The following GNAZ variants were observed in gnomAD, a reference collection of about 807,000 sequenced individuals.
GNAZ encodes G protein subunit alpha z.
In GNAZ, 3 loss-of-function variants were observed where a neutral mutation model predicts 25.4. The ratio of observed to expected loss-of-function variants is 0.12; its 90% CI spans 0.05 to 0.30. GNAZ has a LOEUF of 0.30. Ranked by LOEUF, GNAZ falls within the 10% of genes least tolerant of loss-of-function variation. The pLI is 1.00. For synonymous variants in GNAZ, 211 were observed against 205.7 expected (o/e 1.03, Z -0.22); for missense variants, 241 against 501.8 (o/e 0.48, Z 4.97).
intron 2 of GNAZ, among the ~76,000 whole-genome samples, chr22:23,119,192 C>T (rs1162779533): frequency 1.3e-5 from 2 of 152,238 alleles, no homozygotes; most frequent in African/African-American, 4.8e-5. Context: ...TGCAAGAGTG[C>T]AGGCACCGCT....
At chr22:23,105,876 G>C (rs2069456050) in intron 2 of GNAZ, among the ~76,000 whole-genome samples, 1 of 152,202 alleles carries the variant, frequency 6.6e-6, no homozygotes, top group Admixed American at 6.5e-5. Context: ...TTTGGAAGAG[G>C]CCAGTCCTCC....
chr22:23,110,591 T>C (rs186379887), intron 2 of GNAZ, among the ~76,000 whole-genome samples: 2 of 152,328 alleles, frequency 1.3e-5, no homozygotes, highest in East Asian at 3.9e-4. Flanking sequence ...AGATGGGCAG[T>C]AGACAGTGTT....
chr22:23,123,455 G>A lies in GNAZ; in HGVS notation c.*24G>A. ...GAGGAGCTGGGCCCGGGGCCCGCCT[G>A]CCTATGGTGAAACCCACGGGGTGTC... On this transcript the variant is annotated 3_prime_UTR_variant, in exon 3 of 3. Coordinates refer to ENST00000615612, the MANE Select transcript of GNAZ (RefSeq NM_002073.4). 2 of 1,527,148 alleles carry A rather than the reference G, an allele frequency of 1.3e-6. No individual in the cohort carries two copies. The highest frequency in any genetic ancestry group is 1.8e-6 in the Non-Finnish European group (2 of 1,108,674). The allele number at this position is 1,527,148 out of a possible 1,614,324, so 94.6% of individuals were successfully genotyped here.
chr22:23,113,067 C>T (rs1049812368), intron 2 of GNAZ, among the ~76,000 whole-genome samples: 2 of 152,188 alleles, frequency 1.3e-5, no homozygotes, highest in African/African-American at 4.8e-5. Context: ...TCACAGGGCT[C>T]ACCTCCAGGC....
intron 1 of GNAZ, among the ~76,000 whole-genome samples, chr22:23,087,441 TTAAAA>T (rs1215689619): frequency 2.0e-5 from 3 of 151,958 alleles, no homozygotes; most frequent in African/African-American, 4.8e-5. Flanking sequence ...TGGGTGACAG[TTAAAA>T]TAAGATAAAA....
chr22:23,087,771 C>T (rs545224875), intron 1 of GNAZ, among the ~76,000 whole-genome samples: 1 of 152,046 alleles, frequency 6.6e-6, no homozygotes, highest in East Asian at 1.9e-4. Flanking sequence ...TGGGTGGGGG[C>T]CACAAGATCA....
At chr22:23,089,786 G>A (rs1433887368) in intron 1 of GNAZ, among the ~76,000 whole-genome samples, 1 of 152,150 alleles carries the variant, frequency 6.6e-6, no homozygotes, top group African/African-American at 2.4e-5. Flanking sequence ...TTCCTGAGTG[G>A]GCTCAGGGCT....
At chr22:23,102,298 TGGGAGGGGGATGAGCA>T (rs2069325767) in intron 2 of GNAZ, among the ~76,000 whole-genome samples, 1 of 152,046 alleles carries the variant, frequency 6.6e-6, no homozygotes, top group Admixed American at 6.5e-5. Context: ...AAGCCCAAGA[TGGGAGGGGGATGAGCA>T]GGGAGGGGTG....
chr22:23,123,189 G>A lies in GNAZ; in HGVS notation c.826G>A (p.Ala276Thr). Reference protein sequence around the residue: ...ILFLNKKDLLAEKIRRIPLTI... With the variant: ...ILFLNKKDLLTEKIRRIPLTI... ...CTTCCTGAACAAGAAGGACCTGCTG[G>A]CAGAGAAGATCCGCCGCATCCCGCT... The change falls in exon 3 of 3, where the codon GCA (alanine) becomes ACA (threonine). Residue 276 changes from alanine (A) to threonine (T), a missense_variant. Coordinates refer to ENST00000615612, the MANE Select transcript of GNAZ (RefSeq NM_002073.4). 6.2e-7 allele frequency: 1 copy of A among 1,613,900 alleles called. No homozygotes were observed. Among genetic ancestry groups the A allele is most frequent in the Non-Finnish European group, 8.5e-7 (1 of 1,179,822 alleles).
chr22:23,120,839 CAG>C (rs1257537947), intron 2 of GNAZ, among the ~76,000 whole-genome samples: 3 of 152,192 alleles, frequency 2.0e-5, no homozygotes, highest in African/African-American at 4.8e-5. Context: ...GATGTGGACT[CAG>C]GGCGCGCTCA....
intron 1 of GNAZ, among the ~76,000 whole-genome samples, chr22:23,081,056 A>C (rs185054183): frequency 2.6e-5 from 4 of 152,186 alleles, no homozygotes; most frequent in Non-Finnish European, 5.9e-5. Flanking sequence ...ATACTGTGTA[A>C]ACTGGTGGGC....
intron 2 of GNAZ, among the ~76,000 whole-genome samples, chr22:23,101,344 G>A (rs376863942): frequency 1.3e-4 from 20 of 152,306 alleles, no homozygotes; most frequent in African/African-American, 4.3e-4. Flanking sequence ...TCCTGTGGGT[G>A]CTGGGGTTCT....
At position 23,095,510 on chromosome 22, in the gene GNAZ, C is replaced by T. The variant is rs921698627; in HGVS notation, c.-186C>T. On this transcript the variant is annotated 5_prime_UTR_variant, in exon 2 of 3. Transcript: ENST00000615612. ...GGCGGCCACCGCCCGCTGCACAGAGCGCCATGCCGGCTGGAGAAGAGGCGC... is the reference window on the plus strand; with the variant it reads ...GGCGGCCACCGCCCGCTGCACAGAGTGCCATGCCGGCTGGAGAAGAGGCGC... 24 of 641,338 alleles carry T rather than the reference C, an allele frequency of 3.7e-5. No homozygotes were observed. The highest frequency in any genetic ancestry group is 8.3e-5 in the East Asian group (3 of 36,338). The allele number at this position is 641,338 out of a possible 1,614,324, so 39.7% of individuals were successfully genotyped here.
At chr22:23,078,361 G>T (rs1470878098) in intron 1 of GNAZ, among the ~76,000 whole-genome samples, 2 of 152,150 alleles carry the variant, frequency 1.3e-5, no homozygotes, top group African/African-American at 4.8e-5. Context: ...CACCACGCAC[G>T]CAAGCACAGC....
At chr22:23,097,288 G>A (rs767022761) in intron 2 of GNAZ, among the ~76,000 whole-genome samples, 4 of 152,190 alleles carry the variant, frequency 2.6e-5, no homozygotes, top group East Asian at 1.9e-4. Context: ...ACTGGCCTCC[G>A]AGGTCACTCC....
chr22:23,088,873 G>C (rs1455104268), intron 1 of GNAZ, among the ~76,000 whole-genome samples: 1 of 152,208 alleles, frequency 6.6e-6, no homozygotes, highest in Non-Finnish European at 1.5e-5. Flanking sequence ...CCTAGCTTCT[G>C]TTACCAGCAA....
chr22:23,099,187 AAGG>A (rs1362455942), intron 2 of GNAZ, among the ~76,000 whole-genome samples: 1 of 152,208 alleles, frequency 6.6e-6, no homozygotes, highest in Non-Finnish European at 1.5e-5. Context: ...GCACGTTGCC[AAGG>A]AGAACGTCAG....
At position 23,088,194 on chromosome 22, in the gene GNAZ, C is replaced by T. The variant is rs2068867830; in HGVS notation, c.-449-7053C>T. Among the ~76,000 whole-genome samples the T allele has an allele frequency of 2.0e-5, 3 of 152,204 alleles. No individual in the cohort carries two copies. In the South Asian group the frequency reaches 6.2e-4, roughly 31 times the overall value. On this transcript the variant is annotated intron_variant, in intron 1 of 2. Transcript: ENST00000615612. ...CCTGCAGGTTCCCATACTCACGCAG[C>T]AAGTCAAGTGATCTGAGTTATATGA...
At chr22:23,110,858 C>G (rs2069626805) in intron 2 of GNAZ, among the ~76,000 whole-genome samples, 1 of 152,228 alleles carries the variant, frequency 6.6e-6, no homozygotes, top group South Asian at 2.1e-4. Flanking sequence ...CCACCACACT[C>G]TGAGGCTGGC....
Sources: allele counts gnomAD v4.1 joint callset (sites outside exome capture counted in the v4.1 genomes callset), GRCh38; gene constraint gnomAD v4.1.1; transcripts MANE v1.5; gene names NCBI Gene and HGNC (gene_info 2026-07-23, HGNC 2026-07-21).